Variants in LRMDA observed in about 807,000 individuals in gnomAD.
The protein encoded by LRMDA is leucine rich melanocyte differentiation associated.
In LRMDA, 18 loss-of-function variants were observed where a neutral mutation model predicts 29.8. The observed-to-expected ratio is 0.60, with a 90% CI of 0.42 to 0.90. The LOEUF is 0.90. Ranked by LOEUF, LRMDA falls within the 40% of genes least tolerant of loss-of-function variation. LRMDA has a pLI of 0.00. For missense variants in LRMDA, 273 were observed against 273.9 expected (o/e 1.00, Z 0.02); for synonymous variants, 125 against 109.4 (o/e 1.14, Z -0.89).
At chr10:76,124,265 A>G (rs1849839946) in intron 5 of LRMDA, among the ~76,000 whole-genome samples, 2 of 152,232 alleles carry the variant, frequency 1.3e-5, no homozygotes, top group African/African-American at 4.8e-5. Context: ...AGGATGACCC[A>G]GAATTCATTT....
chr10:76,309,913 G>A (rs150182453), intron 5 of LRMDA, among the ~76,000 whole-genome samples: 2 of 152,284 alleles, frequency 1.3e-5, no homozygotes, highest in Non-Finnish European at 2.9e-5. Flanking sequence ...AATAAATCCT[G>A]TGTTACCATT....
intron 2 of LRMDA, among the ~76,000 whole-genome samples, chr10:75,619,056 C>G (rs1841147681): frequency 2.0e-5 from 3 of 152,072 alleles, no homozygotes; most frequent in African/African-American, 4.8e-5. Context: ...CTCGGCCTCC[C>G]AAAGTGCTGG....
At chr10:76,188,896 C>T (rs898975125) in intron 5 of LRMDA, among the ~76,000 whole-genome samples, 1 of 151,460 alleles carries the variant, frequency 6.6e-6, no homozygotes, top group Non-Finnish European at 1.5e-5. Flanking sequence ...GTTTCTCAGT[C>T]ATTTTTTTTC....
chr10:75,608,865 C>G (rs1036685287), intron 2 of LRMDA, among the ~76,000 whole-genome samples: 4 of 152,148 alleles, frequency 2.6e-5, no homozygotes, highest in African/African-American at 9.7e-5. Flanking sequence ...TTTTTGGTTA[C>G]TGTCTCTGCC....
At chr10:75,483,559 A>G (rs1389207266) in intron 2 of LRMDA, among the ~76,000 whole-genome samples, 1 of 152,228 alleles carries the variant, frequency 6.6e-6, no homozygotes, top group Non-Finnish European at 1.5e-5. Context: ...TGCACCAATA[A>G]AACAGGATTA....
intron 5 of LRMDA, among the ~76,000 whole-genome samples, chr10:76,245,091 T>C (rs1001769909): frequency 4.6e-5 from 7 of 152,150 alleles, no homozygotes; most frequent in African/African-American, 7.2e-5. Context: ...TGTCCACCCA[T>C]GTAGCACATG....
intron 2 of LRMDA, among the ~76,000 whole-genome samples, chr10:75,603,998 G>C (rs971676046): frequency 3.9e-5 from 6 of 152,140 alleles, no homozygotes; most frequent in African/African-American, 7.2e-5. Context: ...AATGAATTTA[G>C]TTCTGGGAGA....
chr10:75,652,898 C>T (rs4147280), intron 2 of LRMDA, among the ~76,000 whole-genome samples: 28,428 of 152,116 alleles, frequency 0.19, 6,469 homozygotes, highest in African/African-American at 0.53. Context: ...AAGTTCTTAC[C>T]ACTTGGAGTA....
chr10:76,148,856 G>C (rs1850383890), intron 5 of LRMDA, among the ~76,000 whole-genome samples: 1 of 152,066 alleles, frequency 6.6e-6, no homozygotes, highest in African/African-American at 2.4e-5. Flanking sequence ...CTTTACTGTT[G>C]CTTATTTTGA....
intron 5 of LRMDA, among the ~76,000 whole-genome samples, chr10:76,112,412 CG>C (rs1466740659): frequency 6.6e-6 from 1 of 152,228 alleles, no homozygotes; most frequent in Non-Finnish European, 1.5e-5. Context: ...CGCCGGCCCT[CG>C]TCACCCTTCA....
intron 2 of LRMDA, among the ~76,000 whole-genome samples, chr10:75,548,542 G>A (rs7911481): frequency 0.063 from 9,535 of 152,180 alleles, 436 homozygotes; most frequent in Non-Finnish European, 0.094. Flanking sequence ...TAAACAATGA[G>A]GGGTAGTTCC....
intron 2 of LRMDA, among the ~76,000 whole-genome samples, chr10:75,842,447 T>G (rs1164159448): frequency 2.0e-5 from 3 of 152,220 alleles, no homozygotes; most frequent in Non-Finnish European, 2.9e-5. Flanking sequence ...CAGAAAGTGT[T>G]TGCTGACCTC....
intron 5 of LRMDA, among the ~76,000 whole-genome samples, chr10:76,307,036 G>T (rs1840564795): frequency 6.6e-6 from 1 of 152,168 alleles, no homozygotes; most frequent in South Asian, 2.1e-4. Flanking sequence ...GAGGTCTGTT[G>T]CAGCATCTTG....
At chr10:75,518,380 C>T (rs1845318333) in intron 2 of LRMDA, among the ~76,000 whole-genome samples, 1 of 152,086 alleles carries the variant, frequency 6.6e-6, no homozygotes, top group Non-Finnish European at 1.5e-5. Flanking sequence ...CAATCAGAGC[C>T]TGTTATTGTT....
chr10:75,750,559 G>A (rs1274142774), intron 2 of LRMDA, among the ~76,000 whole-genome samples: 1 of 148,670 alleles, frequency 6.7e-6, no homozygotes, highest in African/African-American at 2.5e-5. Flanking sequence ...CATCTCAGAG[G>A]ACGGGCGGCC....
intron 2 of LRMDA, among the ~76,000 whole-genome samples, chr10:75,615,106 T>G (rs1054380984): frequency 1.3e-5 from 2 of 152,218 alleles, no homozygotes; most frequent in Non-Finnish European, 2.9e-5. Flanking sequence ...CTCTGCTAAT[T>G]AAAGACTTGG....
chr10:75,990,906 G>A (rs1847356213), intron 2 of LRMDA, among the ~76,000 whole-genome samples: 1 of 152,130 alleles, frequency 6.6e-6, no homozygotes, highest in Admixed American at 6.5e-5. Flanking sequence ...ACCATAGTAA[G>A]ATGTGTGGAT....
chr10:75,859,707 A>G (rs1844890015), intron 2 of LRMDA, among the ~76,000 whole-genome samples: 1 of 151,584 alleles, frequency 6.6e-6, no homozygotes, highest in African/African-American at 2.4e-5. Context: ...GTTGCCATTC[A>G]GCTTTATGGT....
intron 2 of LRMDA, among the ~76,000 whole-genome samples, chr10:75,770,188 G>A (rs1229490402): frequency 6.6e-6 from 1 of 151,532 alleles, no homozygotes; most frequent in Non-Finnish European, 1.5e-5. Context: ...CTACTCTGAA[G>A]GCTGAGGCAG....
Sources: allele counts gnomAD v4.1 joint callset (sites outside exome capture counted in the v4.1 genomes callset), GRCh38; gene constraint gnomAD v4.1.1; transcripts MANE v1.5; gene names NCBI Gene and HGNC (gene_info 2026-07-23, HGNC 2026-07-21).